The following CEP57L1 variants were observed in gnomAD, a reference collection of about 807,000 sequenced individuals.
The protein encoded by CEP57L1 is centrosomal protein CEP57L1.
Under a neutral mutation model 61.0 loss-of-function variants are expected in CEP57L1, and 37 were observed. The ratio of observed to expected loss-of-function variants is 0.61; its 90% CI spans 0.47 to 0.80. The LOEUF (loss-of-function observed/expected upper bound fraction) is 0.80. Ranked by LOEUF, CEP57L1 falls within the 30% of genes least tolerant of loss-of-function variation. The probability of loss-of-function intolerance (pLI) is 0.00; values close to 1 mark genes in which losing one functional copy is unlikely to be tolerated. For missense variants in CEP57L1, 422 were observed against 524.7 expected, an observed-to-expected ratio of 0.80 and a Z score of 1.91; for synonymous variants, 137 against 162.3, an observed-to-expected ratio of 0.84 and a Z score of 1.19.
At chr6:109,106,639 A>G (rs1021670440) in intron 1 of CEP57L1, among the ~76,000 whole-genome samples, 1 of 152,138 alleles carries the variant, frequency 6.6e-6, no homozygotes. Flanking sequence ...TTTAAAATTA[A>G]TGTTCAAGAC....
At chr6:109,104,576 T>TTTTG (rs886747156) in intron 1 of CEP57L1, among the ~76,000 whole-genome samples, 4 of 152,014 alleles carry the variant, frequency 2.6e-5, no homozygotes, top group Admixed American at 6.5e-5. Context: ...TTTGTTTGTT[T>TTTTG]TTTGTTTGTT....
rs1401829986 is a variant in CEP57L1, at chr6:109,172,134, C to T, written c.*9164C>T. ...AAGTCTGGGGGACACCAGGCACAAGCTTCCAGTTGTCCTTCACCTGTGAAG... is the reference window on the plus strand; with the variant it reads ...AAGTCTGGGGGACACCAGGCACAAGTTTCCAGTTGTCCTTCACCTGTGAAG... On this transcript the variant is annotated 3_prime_UTR_variant, in exon 11 of 11. Transcript: ENST00000517392. 2.0e-5 allele frequency among the ~76,000 whole-genome samples: 3 copies of T among 152,194 alleles called. No homozygotes were observed. Among genetic ancestry groups the T allele is most frequent in the Admixed American group, 6.5e-5 (1 of 15,276 alleles).
intron 1 of CEP57L1, among the ~76,000 whole-genome samples, chr6:109,131,744 G>C (rs1774228214): frequency 1.3e-5 from 2 of 152,000 alleles, no homozygotes; most frequent in African/African-American, 4.8e-5. Flanking sequence ...ATACAAGCCT[G>C]TAAATAATGA....
chr6:109,109,174 A>G (rs1051020780), intron 1 of CEP57L1, among the ~76,000 whole-genome samples: 3 of 151,826 alleles, frequency 2.0e-5, no homozygotes, highest in South Asian at 2.1e-4. Flanking sequence ...ATGATTATGT[A>G]TATAAACATT....
At chr6:109,129,552 C>G in intron 1 of CEP57L1, 2 of 455,382 alleles carry the variant, frequency 4.4e-6, no homozygotes, top group Admixed American at 4.7e-5. Flanking sequence ...TAATTTACTT[C>G]TACATTAAAT....
chr6:109,097,083 C>T (rs1182895523), intron 1 of CEP57L1, among the ~76,000 whole-genome samples: 1 of 152,220 alleles, frequency 6.6e-6, no homozygotes, highest in Non-Finnish European at 1.5e-5. Flanking sequence ...TTCCTTATTT[C>T]AGCAAAGGAC....
At chr6:109,117,111 A>C (rs1481132997) in intron 1 of CEP57L1, among the ~76,000 whole-genome samples, 2 of 152,176 alleles carry the variant, frequency 1.3e-5, no homozygotes, top group Admixed American at 1.3e-4. Context: ...TAGAATGAAC[A>C]TGTATTACTT....
At chr6:109,096,465 A>C (rs1473143471) in intron 1 of CEP57L1, among the ~76,000 whole-genome samples, 1 of 152,194 alleles carries the variant, frequency 6.6e-6, no homozygotes, top group Non-Finnish European at 1.5e-5. Flanking sequence ...AAAGAACAGC[A>C]TATGCTAAGG....
chr6:109,134,599 T>A (rs1386543357), intron 1 of CEP57L1, among the ~76,000 whole-genome samples: 1 of 152,084 alleles, frequency 6.6e-6, no homozygotes, highest in South Asian at 2.1e-4. Context: ...AGGGTATTCA[T>A]TTAGGAAAAG....
At chr6:109,096,570 T>G (rs1781733375) in intron 1 of CEP57L1, among the ~76,000 whole-genome samples, 1 of 152,182 alleles carries the variant, frequency 6.6e-6, no homozygotes, top group African/African-American at 2.4e-5. Flanking sequence ...GTGCTTTTTG[T>G]GTATTGATGC....
At chr6:109,123,588 A>G (rs1583464495) in intron 1 of CEP57L1, among the ~76,000 whole-genome samples, 1 of 152,330 alleles carries the variant, frequency 6.6e-6, no homozygotes, top group South Asian at 2.1e-4. Flanking sequence ...AATTATGTCT[A>G]AAATAATGTT....
At chr6:109,141,618 A>C (rs1771394402) in intron 1 of CEP57L1, among the ~76,000 whole-genome samples, 1 of 151,948 alleles carries the variant, frequency 6.6e-6, no homozygotes, top group Non-Finnish European at 1.5e-5. Flanking sequence ...CATTTTGGTG[A>C]TTTTATATTA....
At chr6:109,115,598 T>C (rs923087288) in intron 1 of CEP57L1, among the ~76,000 whole-genome samples, 3 of 152,200 alleles carry the variant, frequency 2.0e-5, no homozygotes, top group Admixed American at 6.5e-5. Flanking sequence ...AATAAATCTG[T>C]TATTTTTTTT....
chr6:109,105,621 G>A (rs1770838819), intron 1 of CEP57L1, among the ~76,000 whole-genome samples: 2 of 152,010 alleles, frequency 1.3e-5, no homozygotes, highest in Non-Finnish European at 2.9e-5. Flanking sequence ...CCATCTTTTT[G>A]TTCTTTTTCA....
chr6:109,103,348 T>G (rs1770548519), intron 1 of CEP57L1, among the ~76,000 whole-genome samples: 1 of 152,094 alleles, frequency 6.6e-6, no homozygotes, highest in South Asian at 2.1e-4. Context: ...GTGTGGGGTA[T>G]ATGTGTATTG....
intron 1 of CEP57L1, among the ~76,000 whole-genome samples, chr6:109,105,159 A>G (rs1009204776): frequency 6.6e-6 from 1 of 152,168 alleles, no homozygotes; most frequent in East Asian, 1.9e-4. Context: ...GATATCATCA[A>G]TGATGTTTTT....
At chr6:109,114,773 A>G (rs552080936) in intron 1 of CEP57L1, among the ~76,000 whole-genome samples, 5 of 152,246 alleles carry the variant, frequency 3.3e-5, no homozygotes, top group Middle Eastern at 3.4e-3. Flanking sequence ...GTTACTAGAA[A>G]TAAGTTTTGG....
chr6:109,161,956 A>T (rs968782166), intron 10 of CEP57L1, among the ~76,000 whole-genome samples: 4 of 152,128 alleles, frequency 2.6e-5, no homozygotes, highest in African/African-American at 9.7e-5. Flanking sequence ...CAAGTGAAAT[A>T]GCTTAAGTAA....
Position 109,163,157 on chromosome 6 carries a change from C to T in CEP57L1, c.*187C>T, listed in dbSNP as rs747455379. The T allele has an allele frequency of 9.2e-5, 46 of 498,570 alleles. No homozygotes were observed. Among genetic ancestry groups the T allele is most frequent in the Non-Finnish European group, 1.5e-4 (43 of 282,636 alleles). 30.9% of individuals were successfully genotyped at this position (498,570 alleles called of 1,614,324 possible). ...TGGGTTCCAAATAATAAATTAATTGCTTTTTTATTTTTCTTATTGATTGAA... is the reference window on the plus strand; with the variant it reads ...TGGGTTCCAAATAATAAATTAATTGTTTTTTTATTTTTCTTATTGATTGAA... On this transcript the variant is annotated 3_prime_UTR_variant, in exon 11 of 11. Coordinates refer to ENST00000517392, the MANE Select transcript of CEP57L1 (RefSeq NM_001271852.3).
Sources: gnomAD v4.1 joint callset for allele counts (sites outside exome capture counted in the v4.1 genomes callset) on GRCh38, gnomAD v4.1.1 for gene constraint, MANE v1.5 for transcripts, NCBI Gene and HGNC (gene_info 2026-07-23, HGNC 2026-07-21) for gene names.